The following SLC9B2 variants were observed in gnomAD, a reference collection of about 807,000 sequenced individuals.
SLC9B2 encodes solute carrier family 9 member B2, also known as sodium/hydrogen exchanger 9B2.
Under a neutral mutation model 52.2 loss-of-function variants are expected in SLC9B2, and 39 were observed. That is an observed-to-expected ratio of 0.75 (90% CI 0.58 to 0.98). SLC9B2 has a LOEUF of 0.98. SLC9B2 is among the 50% of genes least tolerant of loss of function. The pLI is 0.00. For missense variants in SLC9B2, 626 were observed against 637.5 expected, an observed-to-expected ratio of 0.98 and a Z score of 0.19; for synonymous variants, 214 against 227.0, an observed-to-expected ratio of 0.94 and a Z score of 0.51.
At chr4:103,070,139 A>G (rs926863182) in intron 1 of SLC9B2, among the ~76,000 whole-genome samples, 1 of 152,222 alleles carries the variant, frequency 6.6e-6, no homozygotes, top group Admixed American at 6.5e-5. Context: ...AGATCTTACA[A>G]CTAGTCAGCT....
rs1212451496 is a variant in SLC9B2 at position 103,076,194 on chromosome 4, C to G, written c.-53G>C. The G allele has an allele frequency of 6.6e-6, 1 of 152,454 alleles. No homozygotes were observed. Among genetic ancestry groups the G allele is most frequent in the Non-Finnish European group, 1.5e-5 (1 of 68,210 alleles). The allele number at this position is 152,454 out of a possible 1,614,324, so 9.4% of individuals were successfully genotyped here. On this transcript the variant is annotated 5_prime_UTR_variant, in exon 1 of 12. Coordinates refer to ENST00000394785, the MANE Select transcript of SLC9B2 (RefSeq NM_178833.7). ...TCTGGGGCCTCTCACCTGGCAGTCT[C>G]CGGCGAAGTCGACCAGGCTCCGTCT...
intron 1 of SLC9B2, 35 bp from the exon 2 acceptor site, chr4:103,067,627 T>C (rs1197780542): frequency 1.7e-6 from 2 of 1,158,456 alleles, no homozygotes; most frequent in African/African-American, 1.5e-5. Context: ...GAGCAGTAAT[T>C]TGAAAGTCTT....
At chr4:103,018,137 A>G (rs1467608723), downstream of SLC9B2, among the ~76,000 whole-genome samples, 1 of 152,242 alleles carries the variant, frequency 6.6e-6, no homozygotes, top group Middle Eastern at 3.2e-3. Context: ...TGGTTAACCA[A>G]CAGAAGTGTT....
At chr4:103,019,424 G>A (rs996646678), downstream of SLC9B2, among the ~76,000 whole-genome samples, 2 of 152,214 alleles carry the variant, frequency 1.3e-5, no homozygotes, top group Non-Finnish European at 2.9e-5. Context: ...TCACGGAGAG[G>A]AGAGACAATG....
At chr4:103,075,933 T>C (rs1747091814) in intron 1 of SLC9B2, among the ~76,000 whole-genome samples, 1 of 152,198 alleles carries the variant, frequency 6.6e-6, no homozygotes, top group African/African-American at 2.4e-5. Flanking sequence ...CGATGATTCT[T>C]AGCACCTCGA....
downstream of SLC9B2, among the ~76,000 whole-genome samples, chr4:103,020,894 C>T (rs1288524678): frequency 6.6e-6 from 1 of 152,180 alleles, no homozygotes; most frequent in African/African-American, 2.4e-5. Context: ...TCCCACAGTA[C>T]TGGGATTACA....
intron 3 of SLC9B2, among the ~76,000 whole-genome samples, chr4:103,063,829 C>A (rs1274418834): frequency 6.6e-6 from 1 of 152,070 alleles, no homozygotes; most frequent in East Asian, 1.9e-4. Flanking sequence ...ATAAAAGGAA[C>A]TCAAAAAACT....
At chr4:103,065,839 C>G (rs1355126623) in intron 3 of SLC9B2, 1 of 152,238 alleles carries the variant, frequency 6.6e-6, no homozygotes, top group Non-Finnish European at 1.5e-5. Context: ...AAGAAAAATC[C>G]CCCAAATGTC....
chr4:103,064,088 A>G (rs1694582028), intron 3 of SLC9B2, among the ~76,000 whole-genome samples: 1 of 152,192 alleles, frequency 6.6e-6, no homozygotes, highest in Non-Finnish European at 1.5e-5. Flanking sequence ...TGGTATGGAG[A>G]GTCCTCAAAA....
At chr4:103,057,681 T>C (rs1168592211) in intron 4 of SLC9B2, 120 bp downstream of exon 4, 1 of 1,097,172 alleles carries the variant, frequency 9.1e-7, no homozygotes, top group Non-Finnish European at 1.3e-6. Context: ...AACAACTGGC[T>C]TTTGGCTCCA....
In SLC9B2 at chr4:103,044,907, A is replaced by G. The variant is rs184804759; in HGVS notation, c.979T>C (p.Phe327Leu). ...GSVLGFFIQY[F>L]PSRDQDKLVC... ...TCTTTCACCTGGTCACGGCTTGGAAAGTACTGAATGAAAAATCCAAGAACA... is the reference window on the plus strand; with the variant it reads ...TCTTTCACCTGGTCACGGCTTGGAAGGTACTGAATGAAAAATCCAAGAACA... The change falls in exon 8 of 12, where the codon TTT becomes CTT. Residue 327 changes from phenylalanine (F) to leucine (L), a missense_variant. Coordinates refer to ENST00000394785, the MANE Select transcript of SLC9B2 (RefSeq NM_178833.7). The G allele has an allele frequency of 6.2e-7, 1 of 1,613,688 alleles. No homozygotes were observed. The highest frequency in any genetic ancestry group is 2.2e-5 in the East Asian group (1 of 44,852).
At chr4:103,029,024 A>C (rs1184207154) in intron 10 of SLC9B2, 141 bp from the exon 11 acceptor site, 3 of 717,094 alleles carry the variant, frequency 4.2e-6, no homozygotes, top group East Asian at 6.4e-5. Context: ...TTTAGGAAGA[A>C]TATATAAAAA....
rs777302977 is a variant in SLC9B2, at chr4:103,048,996, A to G, written c.610T>C (p.Cys204Arg). Residue 204 changes from cysteine to arginine, a missense_variant, in exon 6 of 12, where the codon TGT becomes CGT. Coordinates refer to ENST00000394785, the MANE Select transcript of SLC9B2 (RefSeq NM_178833.7). ...CAGGGACCCATGGACAGTCTTACAC[A>G]AACGCCCTTTAACTTCTTCAGGGCC... ...SKALKKLKGV[C>R]VRLSMGPCIV... The G allele has an allele frequency of 6.2e-7, 1 of 1,613,126 alleles. No homozygotes were observed. Among genetic ancestry groups the G allele is most frequent in the South Asian group, 1.1e-5 (1 of 90,878 alleles).
chr4:103,059,272 T>C (rs1745427164), intron 3 of SLC9B2, among the ~76,000 whole-genome samples: 1 of 152,176 alleles, frequency 6.6e-6, no homozygotes, highest in Non-Finnish European at 1.5e-5. Context: ...AGGCAGTCTG[T>C]TCTTTACAGA....
At chr4:103,075,578 G>A (rs930228955) in intron 1 of SLC9B2, among the ~76,000 whole-genome samples, 1 of 152,278 alleles carries the variant, frequency 6.6e-6, no homozygotes, top group East Asian at 1.9e-4. Context: ...AGGTCAGTGT[G>A]GCATGTGACT....
intron 7 of SLC9B2, 148 bp from the exon 8 acceptor site, chr4:103,045,144 G>A (rs989070838): frequency 6.7e-6 from 4 of 601,446 alleles, no homozygotes; most frequent in Non-Finnish European, 8.6e-6. Flanking sequence ...TATGTAAGTG[G>A]AACCTACATT....
At chr4:103,036,396 G>A (rs1743177398) in intron 9 of SLC9B2, among the ~76,000 whole-genome samples, 1 of 152,092 alleles carries the variant, frequency 6.6e-6, no homozygotes, top group Non-Finnish European at 1.5e-5. Context: ...GCAGGAGGGG[G>A]AGGATTGAAA....
chr4:103,035,267 G>C (rs1316815205), intron 9 of SLC9B2, among the ~76,000 whole-genome samples: 1 of 152,110 alleles, frequency 6.6e-6, no homozygotes, highest in Non-Finnish European at 1.5e-5. Flanking sequence ...AGTTTGCTAA[G>C]GATAATGGCC....
intron 3 of SLC9B2, among the ~76,000 whole-genome samples, chr4:103,063,135 A>G (rs1206245013): frequency 6.6e-6 from 1 of 152,228 alleles, no homozygotes; most frequent in South Asian, 2.1e-4. Context: ...ATGTCAGTCC[A>G]TATCTGTTTC....
Sources: allele counts gnomAD v4.1 joint callset (sites outside exome capture counted in the v4.1 genomes callset), GRCh38; gene constraint gnomAD v4.1.1; transcripts MANE v1.5; gene names NCBI Gene and HGNC (gene_info 2026-07-23, HGNC 2026-07-21).